Variants in COL17A1 observed in about 807,000 individuals in gnomAD.
The protein encoded by COL17A1 is collagen alpha-1(XVII) chain.
Under a neutral mutation model 218.4 loss-of-function variants are expected in COL17A1, and 181 were observed. That is an observed-to-expected ratio of 0.83 (90% CI 0.73 to 0.94). The LOEUF is 0.94. COL17A1 is among the 40% of genes least tolerant of loss of function. COL17A1 has a pLI of 0.00. For missense variants in COL17A1, 1,924 were observed against 1,945.9 expected, an observed-to-expected ratio of 0.99 and a Z score of 0.21; for synonymous variants, 721 against 731.0, an observed-to-expected ratio of 0.99 and a Z score of 0.22.
At chr10:104,062,111 G>T (rs1419820324) in intron 12 of COL17A1, 147 bp downstream of exon 12, 10 of 1,237,004 alleles carry the variant, frequency 8.1e-6, no homozygotes, top group African/African-American at 1.5e-5. Flanking sequence ...GCCAGTTAAT[G>T]ATCAAGATTG....
Position 104,041,295 on chromosome 10 carries a change from G to A in COL17A1, c.2647+8C>T. On this transcript the variant is annotated splice_region_variant and intron_variant, in intron 38 of 55. Transcript: ENST00000648076. ...CTCCCACCTCCCAGTGGTAAGCTCG[G>A]CTCTCACCTGGTGGGCCTCGGGGTC... The A allele has an allele frequency of 1.9e-6, 3 of 1,607,090 alleles. No individual in the cohort carries two copies. Among genetic ancestry groups the A allele is most frequent in the Non-Finnish European group, 2.5e-6 (3 of 1,176,826 alleles).
At chr10:104,085,304 G>A (rs1004585717) in intron 1 of COL17A1, among the ~76,000 whole-genome samples, 3 of 152,172 alleles carry the variant, frequency 2.0e-5, no homozygotes, top group African/African-American at 7.2e-5. Context: ...TCACCCCTGA[G>A]TTGTTCTCTT....
intron 24 of COL17A1, among the ~76,000 whole-genome samples, 164 bp from the exon 25 acceptor site, chr10:104,051,680 A>G (rs2086471323): frequency 6.6e-6 from 1 of 152,040 alleles, no homozygotes; most frequent in Non-Finnish European, 1.5e-5. Flanking sequence ...CTCCTTAGGG[A>G]GGGGGTGCAG....
intron 5 of COL17A1, among the ~76,000 whole-genome samples, chr10:104,074,652 A>C (rs941395114): frequency 2.6e-5 from 4 of 152,334 alleles, no homozygotes; most frequent in African/African-American, 9.6e-5. Context: ...AGTTAAAATG[A>C]AGGTACAAAT....
chr10:104,043,467 G>C, intron 35 of COL17A1, 34 bp downstream of exon 35: 1 of 1,587,260 alleles, frequency 6.3e-7, no homozygotes, highest in Non-Finnish European at 8.6e-7. Flanking sequence ...AAGACCTATT[G>C]CTGATTTGGG....
intron 9 of COL17A1, among the ~76,000 whole-genome samples, chr10:104,067,334 T>TTAA (rs1182967089): frequency 1.3e-4 from 14 of 110,426 alleles, no homozygotes; most frequent in Admixed American, 1.2e-3. Context: ...GGCTCAGGAA[T>TTAA]AAAAAAAAAA....
At chr10:104,052,120 GA>G (rs768004762) in intron 24 of COL17A1, 34 bp downstream of exon 24, 11 of 1,613,830 alleles carry the variant, frequency 6.8e-6, no homozygotes, top group Non-Finnish European at 9.3e-6. Context: ...TTCTCCTCTG[GA>G]AAACTTTGAT....
At chr10:104,040,036 C>A (rs757684912) in intron 40 of COL17A1, 37 bp from the exon 41 acceptor site, 18 of 1,612,952 alleles carry the variant, frequency 1.1e-5, no homozygotes, top group Non-Finnish European at 1.5e-5. Flanking sequence ...AGACAGGTAC[C>A]AACCAGGTGT....
At chr10:104,069,047 C>T (rs775244402) in intron 9 of COL17A1, among the ~76,000 whole-genome samples, 7 of 152,176 alleles carry the variant, frequency 4.6e-5, no homozygotes, top group Non-Finnish European at 8.8e-5. Context: ...GTATAGGGAT[C>T]TATACCCTTG....
At chr10:104,051,265 T>A (rs1322295835) in intron 25 of COL17A1, among the ~76,000 whole-genome samples, 1 of 151,914 alleles carries the variant, frequency 6.6e-6, no homozygotes, top group African/African-American at 2.4e-5. Flanking sequence ...TGCTGGAGGG[T>A]CTCAAGCCCT....
At chr10:104,039,184 A>G in intron 43 of COL17A1, 63 bp from the exon 44 acceptor site, 3 of 1,522,442 alleles carry the variant, frequency 2.0e-6, no homozygotes, top group Non-Finnish European at 2.7e-6. Context: ...GTTAAGCCAA[A>G]CCACACTTAT....
chr10:104,061,626 G>A (rs753748551), intron 12 of COL17A1, among the ~76,000 whole-genome samples, 153 bp from the exon 13 acceptor site: 1 of 152,118 alleles, frequency 6.6e-6, no homozygotes, highest in Non-Finnish European at 1.5e-5. Flanking sequence ...AGTAATGAGG[G>A]TTTAGATGGA....
chr10:104,059,676 G>C lies in COL17A1; in HGVS notation c.1184C>G (p.Ala395Gly). Residue 395 changes from alanine (A) to glycine (G), a missense_variant, in exon 15 of 56, where the codon GCC becomes GGC. Ala to Gly is a moderately conservative substitution (Grantham distance 60). Coordinates refer to ENST00000648076, the MANE Select transcript of COL17A1 (RefSeq NM_000494.4). Reference sequence around the variant, plus strand: ...TTTTAGGCCTGAGTCAGCATTGTAGGCAGCTTGCTTTTCTTTTTTTAGGGT... The same window carrying C: ...TTTTAGGCCTGAGTCAGCATTGTAGCCAGCTTGCTTTTCTTTTTTTAGGGT... Reference protein sequence around the residue: ...EDTLKKEKQAAYNADSGLKAE... With the variant: ...EDTLKKEKQAGYNADSGLKAE... 6.2e-7 allele frequency: 1 copy of C among 1,614,216 alleles called. No homozygotes were observed. Among genetic ancestry groups the C allele is most frequent in the Admixed American group, 1.7e-5 (1 of 60,022 alleles).
chr10:104,071,375 C>T (rs2086668170), intron 8 of COL17A1, among the ~76,000 whole-genome samples: 1 of 152,164 alleles, frequency 6.6e-6, no homozygotes, highest in African/African-American at 2.4e-5. Context: ...CCATCTCTGT[C>T]CTGAGCCACT....
intron 4 of COL17A1, 113 bp downstream of exon 4, chr10:104,077,309 T>G: frequency 8.6e-6 from 7 of 809,532 alleles, no homozygotes; most frequent in East Asian, 2.7e-5. Context: ...TAATTGTCCC[T>G]TTTGTGCACT....
chr10:104,033,259 C>A lies in COL17A1; in HGVS notation c.4273G>T (p.Asp1425Tyr). 1 of 1,589,636 alleles carries A rather than the reference C, an allele frequency of 6.3e-7. No homozygotes were observed. The highest frequency in any genetic ancestry group is 1.1e-5 in the South Asian group (1 of 87,134). The change falls in exon 53 of 56, where the codon GAC becomes TAC. Residue 1425 changes from aspartate to tyrosine, a missense_variant. By Grantham distance (160) the Asp-to-Tyr change is radical. Transcript: ENST00000648076. ...VFSAYSNVTADLMDFFQTYGA... is the reference protein window; with the variant it reads ...VFSAYSNVTAYLMDFFQTYGA... ...TTACTTTGGAAGAAGTCCATGAGGT[C>A]CGCAGTCACGTTGCTGTAGGCAGAG...
Position 104,055,962 on chromosome 10 carries a change from C to A in COL17A1, c.1507G>T (p.Glu503Ter), listed in dbSNP as rs1564679373. Residue 503 changes from glutamate to a stop codon, truncating the protein, a stop_gained, in exon 18 of 56, where the codon GAG (glutamate) becomes TAG (stop). Coordinates refer to ENST00000648076, the MANE Select transcript of COL17A1 (RefSeq NM_000494.4). LOFTEE classifies it high-confidence loss of function. Reference protein sequence around the residue: ...RKLKARVDELERIRRSILPYG... With the variant: ...RKLKARVDEL ...GGCAGTATGCTCCTCCTGATCCTCT[C>A]CAGCTCATCCACACGCGCCTTCAGC... 6.2e-7 allele frequency: 1 copy of A among 1,614,188 alleles called. No individual in the cohort carries two copies.
chr10:104,052,284 C>T, intron 23 of COL17A1, 67 bp from the exon 24 acceptor site: 2 of 1,602,892 alleles, frequency 1.2e-6, no homozygotes, highest in Non-Finnish European at 1.7e-6. Flanking sequence ...TATCCTGGCA[C>T]TGTCATTTGG....
chr10:104,064,067 C>A (rs2086605115), intron 10 of COL17A1, among the ~76,000 whole-genome samples: 1 of 152,224 alleles, frequency 6.6e-6, no homozygotes, highest in Admixed American at 6.5e-5. Flanking sequence ...GTGGGTCCAG[C>A]CAAAGGCTCT....
Sources: gnomAD v4.1 joint callset for allele counts (sites outside exome capture counted in the v4.1 genomes callset) on GRCh38, gnomAD v4.1.1 for gene constraint, MANE v1.5 for transcripts, NCBI Gene and HGNC (gene_info 2026-07-23, HGNC 2026-07-21) for gene names.